The following ACADM variants were observed in gnomAD, a reference collection of about 807,000 sequenced individuals.
ACADM encodes acyl-CoA dehydrogenase medium chain.
A neutral mutation model predicts 58.9 loss-of-function variants in ACADM; 49 were observed. The observed-to-expected ratio is 0.83, with a 90% CI of 0.66 to 1.06. ACADM has a LOEUF of 1.06. ACADM is among the 50% of genes least tolerant of loss of function. ACADM has a pLI of 0.00. For synonymous variants in ACADM, 160 were observed against 157.7 expected (o/e 1.01, Z -0.11); for missense variants, 496 against 507.0 (o/e 0.98, Z 0.21).
intron 10 of ACADM, among the ~76,000 whole-genome samples, chr1:75,751,583 C>T (rs946736838): frequency 2.0e-5 from 3 of 151,720 alleles, no homozygotes; most frequent in African/African-American, 7.3e-5. Context: ...ACTGAAACCC[C>T]CACCTCCTGT....
intron 7 of ACADM, chr1:75,744,835 C>A: frequency 2.1e-6 from 1 of 475,056 alleles, no homozygotes; most frequent in Non-Finnish European, 3.9e-6. Flanking sequence ...ATTTGCCCTC[C>A]TTTTCAAGAT....
intron 7 of ACADM, chr1:75,743,669 T>C (rs1647714096): frequency 6.8e-7 from 1 of 1,470,070 alleles, no homozygotes; most frequent in Non-Finnish European, 9.5e-7. Flanking sequence ...TTGCTAATGG[T>C]GAAGGTACCA....
At chr1:75,736,247 C>T (rs1570869060) in intron 6 of ACADM, among the ~76,000 whole-genome samples, 1 of 150,918 alleles carries the variant, frequency 6.6e-6, no homozygotes, top group East Asian at 1.9e-4. Context: ...ATTTTTACTT[C>T]TTGTTTACTC....
chr1:75,732,149 CAA>C (rs11455282), intron 2 of ACADM, among the ~76,000 whole-genome samples: 1 of 141,544 alleles, frequency 7.1e-6, no homozygotes. Flanking sequence ...GAGACTGTCT[CAA>C]AAAAAAAAAG....
intron 10 of ACADM, among the ~76,000 whole-genome samples, chr1:75,753,879 C>G (rs1270690101): frequency 6.9e-6 from 1 of 143,964 alleles, no homozygotes; most frequent in East Asian, 2.0e-4. Flanking sequence ...TCACTGCAAC[C>G]ACTGCCTCCT....
rs942448214 is a variant in ACADM, at chr1:75,730,814, A to G, written c.119-1830A>G. Among the ~76,000 whole-genome samples, 4 of 152,246 alleles carry G rather than the reference A, an allele frequency of 2.6e-5. No individual in the cohort carries two copies. In the East Asian group the frequency reaches 5.8e-4, roughly 22 times the overall value. On this transcript the variant is annotated intron_variant, in intron 2 of 11. Transcript: ENST00000370841. ...AATTCTAGAATTATAGGCATGAGCT[A>G]CCGTGCCCAGACTTTCTCTACCCTC... is the stretch of plus-strand genomic sequence containing the variant.
intron 10 of ACADM, among the ~76,000 whole-genome samples, chr1:75,758,145 C>G (rs1462722638): frequency 6.6e-6 from 1 of 152,128 alleles, no homozygotes; most frequent in Non-Finnish European, 1.5e-5. Context: ...TCACTGCAAC[C>G]TCTGCCTCCT....
chr1:75,733,547 T>TG lies in ACADM; in HGVS notation c.306_307insG (p.Phe103ValfsTer2), dbSNP rs2100365750. The TG allele has an allele frequency of 3.1e-6, 5 of 1,614,084 alleles. No individual in the cohort carries two copies. Among genetic ancestry groups the TG allele is most frequent in the Non-Finnish European group, 4.2e-6 (5 of 1,179,978 alleles). On this transcript the variant is annotated frameshift_variant, in exon 5 of 12. Transcript: ENST00000370841. LOFTEE classifies it high-confidence loss of function. ...CTGTAGGAGGTCTTGGACTTGGAAC[T>TG]TTTGATGCTTGTTTAATTAGTGAAG...
rs563243406 is a variant in ACADM at position 75,731,898 on chromosome 1, T to G, written c.119-746T>G. ...AATGAAATAGATAGGGTGAGGTGGCTCCCAGCACTTTGGGAGGCCAAGATG... is the reference window on the plus strand; with the variant it reads ...AATGAAATAGATAGGGTGAGGTGGCGCCCAGCACTTTGGGAGGCCAAGATG... On this transcript the variant is annotated intron_variant, in intron 2 of 11. Transcript: ENST00000370841. Among the ~76,000 whole-genome samples the G allele has an allele frequency of 1.5e-4, 23 of 152,210 alleles. No individual in the cohort carries two copies. The South Asian group carries it at 4.8e-3, about 32-fold the overall frequency.
intron 8 of ACADM, among the ~76,000 whole-genome samples, chr1:75,748,966 T>G (rs1648049020): frequency 6.6e-6 from 1 of 152,224 alleles, no homozygotes; most frequent in African/African-American, 2.4e-5. Flanking sequence ...AGATTAAAGG[T>G]CTCAAATCAG....
chr1:75,738,835 T>C (rs184961373), intron 6 of ACADM, among the ~76,000 whole-genome samples: 75 of 152,302 alleles, frequency 4.9e-4, no homozygotes, highest in Middle Eastern at 6.8e-3. Context: ...TTGAATTAAC[T>C]TGCACTAACA....
chr1:75,727,484 A>T (rs1368598945), intron 1 of ACADM, among the ~76,000 whole-genome samples: 1 of 152,202 alleles, frequency 6.6e-6, no homozygotes. Flanking sequence ...ACTCAAGAAC[A>T]CCATTGTGGT....
At chr1:75,728,529 T>G (rs747096320) in intron 2 of ACADM, 41 bp downstream of exon 2, 1 of 1,333,392 alleles carries the variant, frequency 7.5e-7, no homozygotes, top group East Asian at 2.4e-5. Context: ...AACTTATACA[T>G]ATGAAGCTTT....
At chr1:75,760,430 AAAAAG>A (rs199691649) in intron 10 of ACADM, among the ~76,000 whole-genome samples, 4,430 of 149,224 alleles carry the variant, frequency 0.03, 230 homozygotes, top group African/African-American at 0.11. Context: ...TCAGAAAAAA[AAAAAG>A]AAAAGTCCCA....
chr1:75,737,250 T>C (rs1377793465), intron 6 of ACADM, among the ~76,000 whole-genome samples: 1 of 123,628 alleles, frequency 8.1e-6, no homozygotes, highest in African/African-American at 3.2e-5. Flanking sequence ...CTGGACAACG[T>C]TGAGAGACTG....
chr1:75,743,957 G>A (rs1647734962), intron 7 of ACADM: 2 of 1,542,238 alleles, frequency 1.3e-6, no homozygotes, highest in Non-Finnish European at 1.8e-6. Flanking sequence ...TTGAGGTTAT[G>A]TTTCTTCAAA....
chr1:75,729,268 T>A (rs1268141484), intron 2 of ACADM, among the ~76,000 whole-genome samples: 1 of 148,616 alleles, frequency 6.7e-6, no homozygotes, highest in Non-Finnish European at 1.5e-5. Context: ...ATGAAATTTT[T>A]CTTTTCTTTT....
At chr1:75,725,700 C>CTGTTTCGATATT (rs1553122037) in intron 1 of ACADM, among the ~76,000 whole-genome samples, 1 of 152,200 alleles carries the variant, frequency 6.6e-6, no homozygotes, top group East Asian at 1.9e-4. Flanking sequence ...TCTAGTGGTG[C>CTGTTTCGATATT]TGTTTCGATA....
chr1:75,740,254 G>C, intron 7 of ACADM, 144 bp downstream of exon 7: 1 of 789,916 alleles, frequency 1.3e-6, no homozygotes, highest in South Asian at 1.6e-5. Context: ...AAACAGTTCA[G>C]TGATTTTCAA....
Sources: allele counts gnomAD v4.1 joint callset (sites outside exome capture counted in the v4.1 genomes callset), GRCh38; gene constraint gnomAD v4.1.1; transcripts MANE v1.5; gene names NCBI Gene and HGNC (gene_info 2026-07-23, HGNC 2026-07-21).